Variants in NOS2 observed in about 807,000 individuals in gnomAD.
NOS2 encodes the protein nitric oxide synthase 2, also known as nitric oxide synthase, inducible.
A neutral mutation model predicts 136.0 loss-of-function variants in NOS2; 96 were observed. That is an observed-to-expected ratio of 0.71 (90% confidence interval 0.60 to 0.84). The LOEUF is 0.84. Ranked by LOEUF, NOS2 falls within the 40% of genes least tolerant of loss-of-function variation. The pLI is 0.00. For synonymous variants in NOS2, 539 were observed against 587.5 expected (o/e 0.92, Z 1.20); for missense variants, 1,237 against 1,496.9 (o/e 0.83, Z 2.87).
At chr17:27,776,677 G>GAAAAAA (rs34069634) in intron 11 of NOS2, among the ~76,000 whole-genome samples, 1 of 78,138 alleles carries the variant, frequency 1.3e-5, no homozygotes, top group Non-Finnish European at 2.5e-5. Context: ...ATCTCCAAAG[G>GAAAAAA]AAAAAAAAAA....
intron 2 of NOS2, among the ~76,000 whole-genome samples, chr17:27,794,998 A>T (rs1195826702): frequency 1.4e-5 from 2 of 138,206 alleles, no homozygotes; most frequent in African/African-American, 5.6e-5. Flanking sequence ...ACTCCTCCCC[A>T]CACTACAGCC....
At position 27,765,639 on chromosome 17, in the gene NOS2, AC is replaced by A; in HGVS notation, c.2323del (p.Val775PhefsTer109). 1 of 1,613,324 alleles carries A rather than the reference AC, an allele frequency of 6.2e-7. No homozygotes were observed. The highest frequency in any genetic ancestry group is 2.2e-5 in the East Asian group (1 of 44,886). ...LNYLPGEHLG[V>X]CPGNQPALVQ... ...CAGGGCCGGCTGGTTGCCTGGGCAA[AC>A]CCCAAGGTGCTCCCCCGGCAGGTAG... On this transcript the variant is annotated frameshift_variant, in exon 20 of 27. Coordinates refer to ENST00000313735, the MANE Select transcript of NOS2 (RefSeq NM_000625.4). LOFTEE classifies it high-confidence loss of function.
chr17:27,779,957 T>C (rs965660081), intron 9 of NOS2, among the ~76,000 whole-genome samples: 8 of 152,068 alleles, frequency 5.3e-5, no homozygotes, highest in Admixed American at 3.9e-4. Flanking sequence ...TGGGTATACA[T>C]TGTGAACAGA....
intron 7 of NOS2, among the ~76,000 whole-genome samples, chr17:27,781,695 T>C (rs543279447): frequency 5.3e-5 from 8 of 152,334 alleles, no homozygotes; most frequent in Non-Finnish European, 8.8e-5. Flanking sequence ...AGGTAACCTC[T>C]TAATGTCCCA....
At chr17:27,796,891 A>G (rs1909371088) in intron 2 of NOS2, among the ~76,000 whole-genome samples, 1 of 152,156 alleles carries the variant, frequency 6.6e-6, no homozygotes, top group South Asian at 2.1e-4. Context: ...TAGCCACCTC[A>G]GTTGCCATAG....
intron 18 of NOS2, 70 bp from the exon 19 acceptor site, chr17:27,766,658 G>A (rs1908313235): frequency 8.1e-7 from 1 of 1,236,188 alleles, no homozygotes; most frequent in Non-Finnish European, 1.2e-6. Flanking sequence ...GCCCCCAGAT[G>A]TCTGAGTCAG....
At chr17:27,797,987 T>C (rs1029180643) in intron 2 of NOS2, among the ~76,000 whole-genome samples, 22 of 151,980 alleles carry the variant, frequency 1.4e-4, no homozygotes, top group African/African-American at 5.3e-4. Flanking sequence ...AGAGATCAGT[T>C]GAGATGCAAA....
chr17:27,762,670 T>C, intron 22 of NOS2, 128 bp downstream of exon 22: 1 of 691,356 alleles, frequency 1.4e-6, no homozygotes. Context: ...CCTAATACTG[T>C]TAACAACTCT....
At chr17:27,783,848 T>G (rs1473342930) in intron 5 of NOS2, among the ~76,000 whole-genome samples, 3 of 152,166 alleles carry the variant, frequency 2.0e-5, no homozygotes. Flanking sequence ...TCTTCCACCC[T>G]ACGGGGACAG....
intron 2 of NOS2, among the ~76,000 whole-genome samples, chr17:27,792,284 G>C (rs1342421257): frequency 6.6e-6 from 1 of 152,130 alleles, no homozygotes; most frequent in East Asian, 1.9e-4. Flanking sequence ...GTGTGTGTGT[G>C]CGTACAAGCA....
chr17:27,770,820 T>C (rs990747529), intron 15 of NOS2, 93 bp downstream of exon 15: 101 of 855,812 alleles, frequency 1.2e-4, no homozygotes, highest in African/African-American at 1.2e-3. Flanking sequence ...CTCCCAAATG[T>C]CCTCCGTAGG....
chr17:27,794,020 A>G (rs1909278760), intron 2 of NOS2, among the ~76,000 whole-genome samples: 1 of 152,212 alleles, frequency 6.6e-6, no homozygotes, highest in African/African-American at 2.4e-5. Context: ...GCTTATGATA[A>G]TTACCACCAT....
At chr17:27,792,920 G>A (rs1909238307) in intron 2 of NOS2, among the ~76,000 whole-genome samples, 1 of 152,050 alleles carries the variant, frequency 6.6e-6, no homozygotes, top group Non-Finnish European at 1.5e-5. Context: ...AGCCCTGGAG[G>A]TGGAGGCTAC....
chr17:27,780,812 T>G lies in NOS2; in HGVS notation c.959A>C (p.Glu320Ala). 6.2e-7 allele frequency: 1 copy of G among 1,614,198 alleles called. No individual in the cohort carries two copies. The highest frequency in any genetic ancestry group is 8.5e-7 in the Non-Finnish European group (1 of 1,180,030). The change falls in exon 9 of 27, where the codon GAA (glutamate) becomes GCA (alanine). Residue 320 changes from glutamate (E) to alanine (A), a missense_variant. Glu to Ala is a moderately radical substitution (Grantham distance 107, BLOSUM62 -1). Transcript: ENST00000313735. Reference sequence around the variant, plus strand: ...CTCAAGCACAAGGTCAGGTGGGATTTCGAAGAGCTCAGGGTCACGGCCATT... The same window carrying G: ...CTCAAGCACAAGGTCAGGTGGGATTGCGAAGAGCTCAGGGTCACGGCCATT... ...QANGRDPELF[E>A]IPPDLVLEVA...
chr17:27,762,655 C>T (rs1207798516), intron 22 of NOS2, 143 bp downstream of exon 22: 3 of 620,422 alleles, frequency 4.8e-6, no homozygotes, highest in Non-Finnish European at 8.3e-6. Flanking sequence ...CTCTCCCACA[C>T]ACCTCCTAAT....
chr17:27,770,880 C>A lies in NOS2; in HGVS notation c.1809+33G>T. ...TCCTGGGTCCTCCCGTGCCCTACCA[C>A]CCCCTAGACCAGCCAGACCTCAAGC... On this transcript the variant is annotated intron_variant, in intron 15 of 26. Transcript: ENST00000313735. 3 of 1,540,156 alleles carry A rather than the reference C, an allele frequency of 1.9e-6. No individual in the cohort carries two copies. The Admixed American group carries it at 5.0e-5, about 26-fold the overall frequency.
chr17:27,775,056 C>T (rs1441228478), intron 11 of NOS2, among the ~76,000 whole-genome samples: 1 of 152,240 alleles, frequency 6.6e-6, no homozygotes, highest in Non-Finnish European at 1.5e-5. Flanking sequence ...CCCATTCAGT[C>T]AAGAGACATT....
At chr17:27,785,362 C>A (rs1049641307) in intron 5 of NOS2, among the ~76,000 whole-genome samples, 2 of 152,152 alleles carry the variant, frequency 1.3e-5, no homozygotes, top group African/African-American at 4.8e-5. Flanking sequence ...AACAACCGAG[C>A]TGAAAGGCCA....
At chr17:27,760,544 T>G in intron 24 of NOS2, 79 bp downstream of exon 24, 1 of 1,537,206 alleles carries the variant, frequency 6.5e-7, no homozygotes, top group Non-Finnish European at 8.8e-7. Context: ...TCAGGAACCG[T>G]TTGTGGGGCT....
Sources: allele counts gnomAD v4.1 joint callset (sites outside exome capture counted in the v4.1 genomes callset), GRCh38; gene constraint gnomAD v4.1.1; transcripts MANE v1.5; gene names NCBI Gene and HGNC (gene_info 2026-07-23, HGNC 2026-07-21).